Variants in ARHGAP18 observed in about 807,000 individuals in gnomAD.
ARHGAP18 encodes the protein rho GTPase-activating protein 18.
Under a neutral mutation model 86.2 loss-of-function variants are expected in ARHGAP18, and 67 were observed. The ratio of observed to expected loss-of-function variants is 0.78; its 90% CI spans 0.64 to 0.95. ARHGAP18 has a LOEUF of 0.95. Ranked by LOEUF, ARHGAP18 falls within the 40% of genes least tolerant of loss-of-function variation. The pLI, the probability that ARHGAP18 is intolerant of heterozygous loss-of-function variation, is 0.00. For missense variants in ARHGAP18, 691 were observed against 780.4 expected (o/e 0.89, Z 1.37); for synonymous variants, 283 against 280.4 (o/e 1.01, Z -0.09).
At chr6:129,582,104 A>G (rs958982784) in intron 13 of ARHGAP18, among the ~76,000 whole-genome samples, 1 of 151,792 alleles carries the variant, frequency 6.6e-6, no homozygotes, top group Non-Finnish European at 1.5e-5. Flanking sequence ...TAAATGGAGA[A>G]GTTTACCAGA....
Position 129,625,021 on chromosome 6 carries a change from G to T in ARHGAP18, c.786+4332C>A, listed in dbSNP as rs13210254. On this transcript the variant is annotated intron_variant, in intron 5 of 14. Coordinates refer to ENST00000368149, the MANE Select transcript of ARHGAP18 (RefSeq NM_033515.3). ...TGATATATATTTATATAATATATATGATATATGATATATATTTATATAATA... is the reference window on the plus strand; with the variant it reads ...TGATATATATTTATATAATATATATTATATATGATATATATTTATATAATA... Among the ~76,000 whole-genome samples, 340 of 56,008 alleles carry T rather than the reference G, an allele frequency of 6.1e-3. 8 individuals are homozygous for T. The highest frequency in any genetic ancestry group is 0.013 in the African/African-American group (204 of 15,914). The allele number at this position is 56,008 out of a possible 152,430, so 36.7% of individuals were successfully genotyped here.
intron 5 of ARHGAP18, among the ~76,000 whole-genome samples, chr6:129,621,783 G>A (rs989865162): frequency 5.3e-5 from 8 of 151,650 alleles, no homozygotes; most frequent in East Asian, 1.9e-4. Flanking sequence ...TTATCTTATC[G>A]AAAAACAGTT....
chr6:129,592,517 C>T (rs907806362), intron 12 of ARHGAP18, among the ~76,000 whole-genome samples: 1 of 152,192 alleles, frequency 6.6e-6, no homozygotes, highest in Admixed American at 6.5e-5. Context: ...GAGTTCCTCC[C>T]TGGTAAATTA....
intron 1 of ARHGAP18, among the ~76,000 whole-genome samples, chr6:129,643,436 T>C (rs1773510455): frequency 6.6e-6 from 1 of 152,168 alleles, no homozygotes. Context: ...ATCATGTGAA[T>C]AAGGGTGTGT....
At chr6:129,705,388 C>A (rs1324663148) in intron 1 of ARHGAP18, among the ~76,000 whole-genome samples, 1 of 152,088 alleles carries the variant, frequency 6.6e-6, no homozygotes, top group Admixed American at 6.6e-5. Flanking sequence ...GAGGATCCAC[C>A]CACATTCTAT....
chr6:129,605,634 G>A (rs149729591), intron 10 of ARHGAP18, among the ~76,000 whole-genome samples: 11 of 151,794 alleles, frequency 7.2e-5, no homozygotes, highest in African/African-American at 1.2e-4. Context: ...AACCTCAATC[G>A]TCTGGTTTGG....
At chr6:129,607,542 C>T (rs767939726) in intron 9 of ARHGAP18, among the ~76,000 whole-genome samples, 4 of 152,140 alleles carry the variant, frequency 2.6e-5, no homozygotes, top group Non-Finnish European at 4.4e-5. Context: ...GTAAGTGTTG[C>T]TTTTTAACAC....
intron 12 of ARHGAP18, among the ~76,000 whole-genome samples, chr6:129,591,513 A>G (rs1468238954): frequency 6.6e-6 from 1 of 152,122 alleles, no homozygotes; most frequent in Non-Finnish European, 1.5e-5. Flanking sequence ...AGAGAAAATG[A>G]CCTCATATGG....
intron 12 of ARHGAP18, 91 bp downstream of exon 12, chr6:129,599,125 A>G: frequency 9.0e-7 from 1 of 1,116,910 alleles, no homozygotes; most frequent in Non-Finnish European, 1.2e-6. Context: ...AAGTGGCAGA[A>G]AGTCATACTA....
At chr6:129,617,178 A>G (rs1457876949) in intron 6 of ARHGAP18, among the ~76,000 whole-genome samples, 1 of 152,210 alleles carries the variant, frequency 6.6e-6, no homozygotes, top group Non-Finnish European at 1.5e-5. Context: ...TGATGGTAAT[A>G]ATTTACAATT....
At chr6:129,661,657 C>A (rs1773954336) in intron 1 of ARHGAP18, among the ~76,000 whole-genome samples, 2 of 152,112 alleles carry the variant, frequency 1.3e-5, no homozygotes, top group African/African-American at 4.8e-5. Context: ...TAATGAGGGG[C>A]TTGAGAACAA....
At chr6:129,583,878 C>T in intron 13 of ARHGAP18, 110 bp downstream of exon 13, 1 of 1,391,186 alleles carries the variant, frequency 7.2e-7, no homozygotes, top group Non-Finnish European at 9.7e-7. Context: ...TCATACTACC[C>T]CACAATTAAA....
At chr6:129,663,788 C>G (rs548866293) in intron 1 of ARHGAP18, among the ~76,000 whole-genome samples, 1 of 152,320 alleles carries the variant, frequency 6.6e-6, no homozygotes, top group African/African-American at 2.4e-5. Flanking sequence ...ACAATGATAG[C>G]ACTTCACATA....
chr6:129,703,215 T>C (rs1411222634), intron 1 of ARHGAP18, among the ~76,000 whole-genome samples: 1 of 152,200 alleles, frequency 6.6e-6, no homozygotes, highest in African/African-American at 2.4e-5. Context: ...GATAATTTGT[T>C]CTGGCAATGA....
intron 1 of ARHGAP18, among the ~76,000 whole-genome samples, chr6:129,685,423 C>T (rs551641662): frequency 5.3e-5 from 8 of 152,106 alleles, no homozygotes; most frequent in Non-Finnish European, 8.8e-5. Flanking sequence ...AGGAGAATCA[C>T]TTAAACCTGG....
At chr6:129,612,998 G>T (rs191666205) in intron 7 of ARHGAP18, among the ~76,000 whole-genome samples, 6 of 151,944 alleles carry the variant, frequency 3.9e-5, no homozygotes, top group Non-Finnish European at 7.4e-5. Flanking sequence ...CTTTGGGAGG[G>T]CGAGGCGGGC....
At chr6:129,651,920 T>A (rs4341019) in intron 1 of ARHGAP18, among the ~76,000 whole-genome samples, 44,407 of 152,034 alleles carry the variant, frequency 0.29, 6,473 homozygotes, top group African/African-American at 0.32. Context: ...TTCATGCTCT[T>A]ATAAAGGAGG....
chr6:129,658,043 GTA>G (rs1562714120), intron 1 of ARHGAP18, among the ~76,000 whole-genome samples: 1 of 152,158 alleles, frequency 6.6e-6, no homozygotes, highest in Non-Finnish European at 1.5e-5. Flanking sequence ...CATTATCACT[GTA>G]TAGTGTGGGA....
intron 1 of ARHGAP18, among the ~76,000 whole-genome samples, chr6:129,709,568 G>A (rs1216630765): frequency 6.6e-5 from 10 of 151,940 alleles, no homozygotes; most frequent in Non-Finnish European, 1.3e-4. Flanking sequence ...GCAAAGAGAG[G>A]GGGGAAAAAA....
Sources: allele counts gnomAD v4.1 joint callset (sites outside exome capture counted in the v4.1 genomes callset), GRCh38; gene constraint gnomAD v4.1.1; transcripts MANE v1.5; gene names NCBI Gene and HGNC (gene_info 2026-07-23, HGNC 2026-07-21).